Variants in HMGCLL1 observed in about 807,000 individuals in gnomAD.
HMGCLL1 encodes 3-hydroxy-3-methylglutaryl-CoA lyase like 1.
A neutral mutation model predicts 39.1 loss-of-function variants in HMGCLL1; 36 were observed. The observed-to-expected ratio is 0.92, with a 90% CI of 0.71 to 1.22. HMGCLL1 has a LOEUF of 1.22. Among genes scored for constraint, HMGCLL1 ranks in the 50% most tolerant of loss-of-function variants. The pLI is 0.00. For missense variants in HMGCLL1, 451 were observed against 416.5 expected, an observed-to-expected ratio of 1.08 and a Z score of -0.72; for synonymous variants, 149 against 144.0, an observed-to-expected ratio of 1.03 and a Z score of -0.25.
At chr6:55,677,842 T>A in the HMGCLL1 span, among the ~76,000 whole-genome samples, 1 of 152,228 alleles carries the variant, frequency 6.6e-6, no homozygotes, top group Non-Finnish European at 1.5e-5. Context: ...AATTTTCACA[T>A]TTATCCAATA....
chr6:55,545,438 C>T (rs1182938567), intron 1 of HMGCLL1, among the ~76,000 whole-genome samples: 2 of 152,030 alleles, frequency 1.3e-5, no homozygotes, highest in Non-Finnish European at 2.9e-5. Flanking sequence ...GTTTTTGATT[C>T]CTCTTGAATC....
At chr6:55,497,316 T>C (rs1173795356) in intron 6 of HMGCLL1, among the ~76,000 whole-genome samples, 2 of 151,484 alleles carry the variant, frequency 1.3e-5, no homozygotes, top group Non-Finnish European at 2.9e-5. Context: ...TTGGTTACTC[T>C]GTTCTTAAAA....
chr6:55,491,584 G>A (rs1268903836), intron 7 of HMGCLL1, among the ~76,000 whole-genome samples: 1 of 152,012 alleles, frequency 6.6e-6, no homozygotes, highest in Non-Finnish European at 1.5e-5. Context: ...TTTCAGTATT[G>A]GATCTCATTT....
intron 3 of HMGCLL1, among the ~76,000 whole-genome samples, chr6:55,538,450 T>C (rs1769153912): frequency 2.6e-5 from 4 of 152,224 alleles, no homozygotes; most frequent in Middle Eastern, 3.4e-3. Context: ...ATAAAGACAA[T>C]AAAAATGTCT....
chr6:55,461,322 A>T (rs1021494023), intron 7 of HMGCLL1, among the ~76,000 whole-genome samples: 1 of 152,004 alleles, frequency 6.6e-6, no homozygotes, highest in Non-Finnish European at 1.5e-5. Flanking sequence ...ACACATATAC[A>T]GTACTTTTAA....
rs561491334 is a variant in HMGCLL1, at chr6:55,483,712, G to A, written c.795+11707C>T. On this transcript the variant is annotated intron_variant, in intron 7 of 8. Coordinates refer to ENST00000274901, the MANE Select transcript of HMGCLL1 (RefSeq NM_001042406.2). ...CAAGATGAGTTGGGTTGAAATCCCG[G>A]TTCTACTATTTTTCAAGTAGGAAAC... 2.0e-5 allele frequency among the ~76,000 whole-genome samples: 3 copies of A among 152,258 alleles called. No homozygotes were observed. The East Asian group carries it at 5.8e-4, about 29-fold the overall frequency.
intron 7 of HMGCLL1, among the ~76,000 whole-genome samples, chr6:55,464,823 T>A (rs143249736): frequency 6.6e-6 from 1 of 152,296 alleles, no homozygotes; most frequent in East Asian, 1.9e-4. Context: ...ATTATCATAA[T>A]TAAGTCTTTC....
chr6:55,494,563 T>A (rs62407080), intron 7 of HMGCLL1, among the ~76,000 whole-genome samples: 9,114 of 152,224 alleles, frequency 0.06, 309 homozygotes, highest in East Asian at 0.16. Flanking sequence ...AAAGTCAAAA[T>A]AAGCCCTTGT....
chr6:55,515,021 A>C (rs1450664509), intron 4 of HMGCLL1, among the ~76,000 whole-genome samples: 2 of 151,972 alleles, frequency 1.3e-5, no homozygotes. Context: ...TTGGGAACTC[A>C]AGGTAGGCAG....
the HMGCLL1 span, among the ~76,000 whole-genome samples, chr6:55,598,915 A>G: frequency 2.6e-5 from 4 of 152,316 alleles, no homozygotes; most frequent in African/African-American, 9.6e-5. Context: ...GAACAATAAC[A>G]TTTATTAAAA....
At chr6:55,624,229 A>T in the HMGCLL1 span, among the ~76,000 whole-genome samples, 4 of 152,166 alleles carry the variant, frequency 2.6e-5, no homozygotes, top group African/African-American at 9.6e-5. Context: ...TCCCCATTCA[A>T]CTCTCCCATT....
intron 1 of HMGCLL1, among the ~76,000 whole-genome samples, chr6:55,576,555 T>C (rs1771770552): frequency 6.6e-6 from 1 of 152,208 alleles, no homozygotes; most frequent in South Asian, 2.1e-4. Context: ...ACTTTCCAAT[T>C]AGCTATATAG....
chr6:55,590,577 T>A, the HMGCLL1 span, among the ~76,000 whole-genome samples: 2 of 152,122 alleles, frequency 1.3e-5, no homozygotes, highest in East Asian at 1.9e-4. Context: ...AAAGAGCCTC[T>A]GCACAGCAAA....
intron 7 of HMGCLL1, among the ~76,000 whole-genome samples, chr6:55,478,017 CCT>C (rs1464242025): frequency 1.4e-5 from 2 of 147,816 alleles, no homozygotes; most frequent in Non-Finnish European, 3.0e-5. Context: ...ATATAACTAA[CCT>C]ATAAAGCATC....
Position 55,539,636 on chromosome 6 carries a change from G to A in HMGCLL1, c.297+2093C>T, listed in dbSNP as rs1324164349. 4.0e-5 allele frequency among the ~76,000 whole-genome samples: 6 copies of A among 151,616 alleles called. No homozygotes were observed. In the Admixed American group the frequency reaches 4.0e-4, roughly 10 times the overall value. Reference sequence around the variant, plus strand: ...AAATACTGCATGTTCTCATACATAAGTGGGAGCTAAATGATGAGGACACAC... The same window carrying A: ...AAATACTGCATGTTCTCATACATAAATGGGAGCTAAATGATGAGGACACAC... On this transcript the variant is annotated intron_variant, in intron 3 of 8. Transcript: ENST00000274901.
chr6:55,514,219 C>A, intron 4 of HMGCLL1, 23 bp from the exon 5 acceptor site: 2 of 1,575,188 alleles, frequency 1.3e-6, no homozygotes, highest in Non-Finnish European at 1.7e-6. Flanking sequence ...TAATTTAAAG[C>A]CAAATCTAAT....
chr6:55,585,905 T>C, the HMGCLL1 span, among the ~76,000 whole-genome samples: 1 of 152,000 alleles, frequency 6.6e-6, no homozygotes, highest in East Asian at 1.9e-4. Context: ...TTAAGAAAAA[T>C]AACTAAAATA....
chr6:55,490,351 CAACAACA>C (rs1766247279), intron 7 of HMGCLL1, among the ~76,000 whole-genome samples: 1 of 151,994 alleles, frequency 6.6e-6, no homozygotes, highest in African/African-American at 2.4e-5. Context: ...CAAAACACAA[CAACAACA>C]AACAAAAAAC....
chr6:55,622,662 A>G, the HMGCLL1 span, among the ~76,000 whole-genome samples: 861 of 152,138 alleles, frequency 5.7e-3, 5 homozygotes, highest in Non-Finnish European at 8.6e-3. Flanking sequence ...TTAGTTTGCT[A>G]CTGTTTTGTT....
Sources: gnomAD v4.1 joint callset for allele counts (sites outside exome capture counted in the v4.1 genomes callset) on GRCh38, gnomAD v4.1.1 for gene constraint, MANE v1.5 for transcripts, NCBI Gene and HGNC (gene_info 2026-07-23, HGNC 2026-07-21) for gene names.